Variants in SRPX observed in about 807,000 individuals in gnomAD.
SRPX encodes the protein sushi repeat containing protein X-linked, also known as sushi repeat-containing protein SRPX.
SRPX carries 24 observed loss-of-function variants against 38.1 expected under a neutral mutation model. The observed-to-expected ratio is 0.63, with a 90% CI of 0.46 to 0.89. The LOEUF (loss-of-function observed/expected upper bound fraction) is 0.89, where lower values mean the gene tolerates loss of function less well. Among genes scored for constraint, SRPX ranks in the 40% least tolerant of loss-of-function variants. The pLI, the probability that SRPX is intolerant of heterozygous loss-of-function variation, is 0.00. For synonymous variants in SRPX, 184 were observed against 153.8 expected, an observed-to-expected ratio of 1.20 and a Z score of -1.45; for missense variants, 416 against 377.8, an observed-to-expected ratio of 1.10 and a Z score of -0.84.
At chrX:38,216,742 A>G (rs1445888372) in intron 1 of SRPX, among the ~76,000 whole-genome samples, 1 of 112,473 alleles carries the variant, frequency 8.9e-6, no homozygotes, top group Admixed American at 9.4e-5. Flanking sequence ...TTCACTTTCA[A>G]TTACTAATTT....
intron 1 of SRPX, among the ~76,000 whole-genome samples, chrX:38,210,087 G>A (rs753806927): frequency 1.8e-5 from 2 of 112,601 alleles, no homozygotes; most frequent in South Asian, 3.7e-4. Context: ...ATTTGGAAAC[G>A]TCCACACCAG....
intron 6 of SRPX, 73 bp downstream of exon 6, chrX:38,160,860 C>G: frequency 8.7e-7 from 1 of 1,151,415 alleles, no homozygotes; most frequent in Non-Finnish European, 1.2e-6. Context: ...TGAGAGAGTT[C>G]TGGCTTGAGG....
At chrX:38,217,787 A>G (rs374136499) in intron 1 of SRPX, among the ~76,000 whole-genome samples, 1 of 112,241 alleles carries the variant, frequency 8.9e-6, no homozygotes, top group East Asian at 2.8e-4. Flanking sequence ...AGGTGGGAAG[A>G]TGTGAAGACG....
chrX:38,161,460 T>A (rs1175625114), intron 5 of SRPX, among the ~76,000 whole-genome samples: 2 of 91,549 alleles, frequency 2.2e-5, no homozygotes, highest in African/African-American at 8.5e-5. Flanking sequence ...GAGAATATAG[T>A]CCAAGCAGTC....
chrX:38,196,349 T>A (rs1938999947), intron 1 of SRPX, among the ~76,000 whole-genome samples: 1 of 112,670 alleles, frequency 8.9e-6, no homozygotes, highest in Non-Finnish European at 1.9e-5. Context: ...AAATGTTTCA[T>A]CTTGTGACTC....
At chrX:38,155,309 C>G (rs377453223) in intron 8 of SRPX, among the ~76,000 whole-genome samples, 21 of 112,348 alleles carry the variant, frequency 1.9e-4, no homozygotes, top group African/African-American at 6.8e-4. Flanking sequence ...TTGTATTACT[C>G]TCACTGAAAT....
At chrX:38,160,446 A>G (rs901619451) in intron 6 of SRPX, among the ~76,000 whole-genome samples, 3 of 112,180 alleles carry the variant, frequency 2.7e-5, no homozygotes, top group African/African-American at 9.7e-5. Context: ...TGAAGTCCAG[A>G]AGAGTAAGGA....
At position 38,210,257 on chromosome X, in the gene SRPX, GTT is replaced by G. The variant is rs1481218487; in HGVS notation, c.97+10437_97+10438del. On this transcript the variant is annotated intron_variant, in intron 1 of 9. Coordinates refer to ENST00000378533, the MANE Select transcript of SRPX (RefSeq NM_006307.5). ...TAGGTTCCCAGGAGATGCTGCTGCT[GTT>G]GCTGCTGGTCTACAGACCCCACTTT... Among the ~76,000 whole-genome samples the G allele has an allele frequency of 1.2e-4, 13 of 111,974 alleles. No individual in the cohort carries two copies. The South Asian group carries it at 4.9e-3, about 42-fold the overall frequency.
At chrX:38,197,818 T>A (rs1939025134) in intron 1 of SRPX, among the ~76,000 whole-genome samples, 1 of 112,267 alleles carries the variant, frequency 8.9e-6, no homozygotes, top group African/African-American at 3.2e-5. Flanking sequence ...ACTTACTTTG[T>A]GCAGTACCAA....
intron 1 of SRPX, among the ~76,000 whole-genome samples, chrX:38,179,536 C>T (rs952057026): frequency 2.7e-5 from 3 of 111,527 alleles, no homozygotes; most frequent in Non-Finnish European, 5.6e-5. Flanking sequence ...TACTTGCCAC[C>T]ATAACAGACA....
chrX:38,185,985 A>G (rs1938774490), intron 1 of SRPX, among the ~76,000 whole-genome samples: 1 of 109,851 alleles, frequency 9.1e-6, no homozygotes, highest in South Asian at 4.0e-4. Flanking sequence ...AGCTTCTAAG[A>G]TGGCCCCCAA....
At chrX:38,198,587 A>G (rs1939041661) in intron 1 of SRPX, among the ~76,000 whole-genome samples, 1 of 112,069 alleles carries the variant, frequency 8.9e-6, no homozygotes, top group Non-Finnish European at 1.9e-5. Context: ...AGATCACTGC[A>G]TGATTACCGC....
chrX:38,173,749 C>G (rs1161052325), intron 3 of SRPX, among the ~76,000 whole-genome samples: 1 of 111,974 alleles, frequency 8.9e-6, no homozygotes, highest in Non-Finnish European at 1.9e-5. Context: ...TGCGCCCAGC[C>G]AGGAGAACTC....
chrX:38,189,066 T>C (rs1938846113), intron 1 of SRPX, among the ~76,000 whole-genome samples: 1 of 111,360 alleles, frequency 9.0e-6, no homozygotes, highest in Admixed American at 9.6e-5. Flanking sequence ...ACACTGAGTT[T>C]CCTCAACTGC....
chrX:38,150,123 AT>A (rs911314251), intron 9 of SRPX, among the ~76,000 whole-genome samples: 1 of 111,877 alleles, frequency 8.9e-6, no homozygotes, highest in Non-Finnish European at 1.9e-5. Flanking sequence ...AACCTACTGA[AT>A]TAGTGTCTGC....
intron 1 of SRPX, among the ~76,000 whole-genome samples, chrX:38,194,529 C>G (rs1236247149): frequency 4.5e-5 from 5 of 112,127 alleles, no homozygotes; most frequent in East Asian, 2.8e-4. Flanking sequence ...CTCCTAGGTA[C>G]TTAGTCTAGA....
intron 1 of SRPX, 31 bp from the exon 2 acceptor site, chrX:38,178,375 A>AG: frequency 8.6e-7 from 1 of 1,156,189 alleles, no homozygotes; most frequent in Non-Finnish European, 1.2e-6. Flanking sequence ...AACTGCAGCA[A>AG]GAAAAGCCAC....
intron 9 of SRPX, 123 bp from the exon 10 acceptor site, chrX:38,150,017 T>A (rs1447309377): frequency 2.6e-5 from 15 of 580,558 alleles, no homozygotes; most frequent in Non-Finnish European, 3.6e-5. Context: ...AAGGACTGAA[T>A]CATCCTTTAG....
At chrX:38,161,962 T>C (rs2268788) in intron 5 of SRPX, among the ~76,000 whole-genome samples, 14,179 of 111,706 alleles carry the variant, frequency 0.13, 1,613 homozygotes, top group African/African-American at 0.35. Flanking sequence ...ATTGTCACCA[T>C]TGAGGAAAGC....
Sources: allele counts gnomAD v4.1 joint callset (sites outside exome capture counted in the v4.1 genomes callset), GRCh38; gene constraint gnomAD v4.1.1; transcripts MANE v1.5; gene names NCBI Gene and HGNC (gene_info 2026-07-23, HGNC 2026-07-21).